MACROD1: variants seen among roughly 807,000 people sequenced by gnomAD.
The protein encoded by MACROD1 is mono-ADP ribosylhydrolase 1.
Under a neutral mutation model 41.4 loss-of-function variants are expected in MACROD1, and 31 were observed. The ratio of observed to expected loss-of-function variants is 0.75; its 90% CI spans 0.56 to 1.01. The LOEUF is 1.01. Among genes scored for constraint, MACROD1 ranks in the 50% least tolerant of loss-of-function variants. MACROD1 has a pLI of 0.00. For synonymous variants in MACROD1, 252 were observed against 203.4 expected, an observed-to-expected ratio of 1.24 and a Z score of -2.03; for missense variants, 473 against 460.0, an observed-to-expected ratio of 1.03 and a Z score of -0.26.
intron 3 of MACROD1, among the ~76,000 whole-genome samples, chr11:64,112,488 T>C (rs1471548701): frequency 6.6e-6 from 1 of 152,144 alleles, no homozygotes; most frequent in African/African-American, 2.4e-5. Flanking sequence ...CACTCCCACC[T>C]GGTGACAGGG....
chr11:64,096,513 T>C lies in MACROD1; in HGVS notation c.517+54726A>G, dbSNP rs1296224044. 6.6e-6 allele frequency among the ~76,000 whole-genome samples: 1 copy of C among 152,102 alleles called. No homozygotes were observed. Among genetic ancestry groups the C allele is most frequent in the Non-Finnish European group, 1.5e-5 (1 of 68,006 alleles). ...TCACTGCAACCTCCGCCTTCCGGGT[T>C]CAAGCAATTCTCTTGCCTCAGCCCA... On this transcript the variant is annotated intron_variant, in intron 3 of 10. Transcript: ENST00000255681. The surrounding 1 kb of genome is among the most constrained non-coding windows in gnomAD (Gnocchi z 4.6).
At chr11:64,159,747 T>C (rs1057383171) in intron 1 of MACROD1, among the ~76,000 whole-genome samples, 33 of 152,018 alleles carry the variant, frequency 2.2e-4, no homozygotes, top group African/African-American at 8.0e-4. Context: ...TGAGCCGAGA[T>C]TGCGCCACTG....
At chr11:64,072,745 A>C (rs942786848) in intron 3 of MACROD1, among the ~76,000 whole-genome samples, 1 of 152,204 alleles carries the variant, frequency 6.6e-6, no homozygotes, top group Admixed American at 6.5e-5. Context: ...ATACATTAAG[A>C]AGCAACTGCT....
intron 3 of MACROD1, among the ~76,000 whole-genome samples, chr11:64,038,622 G>A (rs1440090937): frequency 6.6e-6 from 1 of 152,178 alleles, no homozygotes; most frequent in East Asian, 1.9e-4. Context: ...GGGGCTAGCA[G>A]CCCCCTCCCC....
intron 3 of MACROD1, chr11:64,148,930 G>A: frequency 1.0e-6 from 1 of 985,420 alleles, no homozygotes; most frequent in Non-Finnish European, 1.2e-6. Flanking sequence ...GCCCTGGACG[G>A]CTGAAAGGAG....
intron 3 of MACROD1, among the ~76,000 whole-genome samples, chr11:64,021,796 CGGAT>C (rs1279860274): frequency 3.3e-5 from 5 of 151,980 alleles, no homozygotes; most frequent in Non-Finnish European, 5.9e-5. Flanking sequence ...CGCTGGGACA[CGGAT>C]GGGGCAGCCC....
intron 4 of MACROD1, among the ~76,000 whole-genome samples, chr11:64,010,379 T>C (rs2134333414): frequency 6.8e-6 from 1 of 147,850 alleles, no homozygotes; most frequent in South Asian, 2.2e-4. Flanking sequence ...GCTGGGATGT[T>C]GGCTGGGGTG....
intron 3 of MACROD1, among the ~76,000 whole-genome samples, chr11:64,040,772 T>C (rs1393298500): frequency 6.6e-6 from 1 of 151,974 alleles, no homozygotes; most frequent in African/African-American, 2.4e-5. Flanking sequence ...GGAAGTGGGC[T>C]GGGGTGCAGG....
At chr11:64,031,516 C>T (rs1276709228) in intron 3 of MACROD1, among the ~76,000 whole-genome samples, 1 of 130,406 alleles carries the variant, frequency 7.7e-6, no homozygotes, top group East Asian at 2.1e-4. Context: ...CTCACTCTGT[C>T]GCCCAGGCTG....
At chr11:64,035,553 A>G (rs1371464348) in intron 3 of MACROD1, among the ~76,000 whole-genome samples, 1 of 145,864 alleles carries the variant, frequency 6.9e-6, no homozygotes, top group Non-Finnish European at 1.5e-5. Context: ...AACTCCCCAG[A>G]GGGGTCGGCT....
At chr11:64,020,089 C>T (rs1216546201) in intron 3 of MACROD1, among the ~76,000 whole-genome samples, 1 of 152,166 alleles carries the variant, frequency 6.6e-6, no homozygotes, top group East Asian at 1.9e-4. Context: ...AAACAATGAA[C>T]TTTTAGGTCA....
chr11:64,005,677 T>C lies in MACROD1; in HGVS notation c.548-5334A>G, dbSNP rs551280014. On this transcript the variant is annotated intron_variant, in intron 4 of 10. Coordinates refer to ENST00000255681, the MANE Select transcript of MACROD1 (RefSeq NM_014067.4). The stretch of plus-strand genomic sequence containing the variant: ...TGGGGGCTGTATGGGAGGATCCCCT[T>C]TTTACAGATGGGAGGCTGAGGCTCA... Among the ~76,000 whole-genome samples, 10 of 152,322 alleles carry C rather than the reference T, an allele frequency of 6.6e-5. No individual in the cohort carries two copies. In the East Asian group the frequency reaches 1.7e-3, roughly 26 times the overall value.
At chr11:64,123,856 G>A (rs1417751667) in intron 3 of MACROD1, among the ~76,000 whole-genome samples, 1 of 152,158 alleles carries the variant, frequency 6.6e-6, no homozygotes, top group Non-Finnish European at 1.5e-5. Flanking sequence ...CCCAGCAAAG[G>A]AAACAGGCAG....
chr11:64,127,568 C>T (rs1055952683), intron 3 of MACROD1, among the ~76,000 whole-genome samples: 12 of 152,238 alleles, frequency 7.9e-5, no homozygotes, highest in Non-Finnish European at 1.2e-4. Flanking sequence ...AAAATGATTC[C>T]GCTGCAGGAA....
intron 1 of MACROD1, among the ~76,000 whole-genome samples, chr11:64,165,042 G>C (rs1209044851): frequency 1.3e-5 from 2 of 152,204 alleles, no homozygotes; most frequent in Non-Finnish European, 2.9e-5. Flanking sequence ...TCTGTTCCTG[G>C]CATGAGCAAA....
At chr11:64,107,979 T>C (rs1944792866) in intron 3 of MACROD1, among the ~76,000 whole-genome samples, 1 of 152,148 alleles carries the variant, frequency 6.6e-6, no homozygotes, top group Non-Finnish European at 1.5e-5. Context: ...CTGCTAAACA[T>C]TGAAAGTAAC....
At chr11:64,055,339 C>T (rs1001750850) in intron 3 of MACROD1, among the ~76,000 whole-genome samples, 5 of 152,210 alleles carry the variant, frequency 3.3e-5, no homozygotes, top group Non-Finnish European at 7.3e-5. Context: ...CTTTAAATAC[C>T]AGCTGGAAGC....
At chr11:64,035,475 G>A (rs1330034739) in intron 3 of MACROD1, among the ~76,000 whole-genome samples, 2 of 152,062 alleles carry the variant, frequency 1.3e-5, no homozygotes, top group Non-Finnish European at 2.9e-5. Flanking sequence ...GGGAGGCGGC[G>A]CGTGAGCTAG....
At chr11:64,118,966 C>T (rs1487112263) in intron 3 of MACROD1, 1 of 167,050 alleles carries the variant, frequency 6.0e-6, no homozygotes, top group Non-Finnish European at 1.5e-5. Context: ...AGGCTGAAGC[C>T]CTCTTCAGTT....
Sources: gnomAD v4.1 joint callset for allele counts (sites outside exome capture counted in the v4.1 genomes callset) on GRCh38, gnomAD v4.1.1 for gene constraint, Gnocchi (gnomAD v3.1) non-coding constraint, MANE v1.5 for transcripts, NCBI Gene and HGNC (gene_info 2026-07-23, HGNC 2026-07-21) for gene names.